The following PIK3CA variants were observed in gnomAD, a reference collection of about 807,000 sequenced individuals.
PIK3CA encodes phosphatidylinositol 4,5-bisphosphate 3-kinase catalytic subunit alpha isoform.
A neutral mutation model predicts 138.2 loss-of-function variants in PIK3CA; 27 were observed. That is an observed-to-expected ratio of 0.20 (90% CI 0.14 to 0.27). The LOEUF is 0.27. Among genes scored for constraint, PIK3CA ranks in the 10% least tolerant of loss-of-function variants. The pLI, the probability that PIK3CA is intolerant of heterozygous loss-of-function variation, is 1.00. For synonymous variants in PIK3CA, 358 were observed against 413.2 expected (o/e 0.87, Z 1.62); for missense variants, 544 against 1,277.4 (o/e 0.43, Z 8.75).
At chr3:179,223,950 AAGC>A in intron 14 of PIK3CA, 128 bp from the exon 15 acceptor site, 1 of 481,758 alleles carries the variant, frequency 2.1e-6, no homozygotes, top group Non-Finnish European at 3.8e-6. Flanking sequence ...CTTAATTAGA[AAGC>A]AGCAGTCTAG....
chr3:179,176,834 C>G (rs895825393), intron 1 of PIK3CA, among the ~76,000 whole-genome samples: 2 of 152,070 alleles, frequency 1.3e-5, no homozygotes, highest in African/African-American at 4.8e-5. Context: ...AATAAGTTCC[C>G]AGTAGTGGGG....
rs761582993 is a variant in PIK3CA, at chr3:179,230,186, C to T, written c.2785-39C>T. ...ATTTATTCAAGACATTTTGTATCTG[C>T]ATATATCAAACTATAACATAATTTC... On this transcript the variant is annotated intron_variant, in intron 19 of 20. Coordinates refer to ENST00000263967, the MANE Select transcript of PIK3CA (RefSeq NM_006218.4). This position sits in a 1 kb window ranked among gnomAD's most constrained non-coding sequence, Gnocchi z 5.4. 2.6e-6 allele frequency: 4 copies of T among 1,562,146 alleles called. No homozygotes were observed. The South Asian group carries it at 4.5e-5, about 17-fold the overall frequency.
At position 179,230,408 on chromosome 3, in the gene PIK3CA, A is replaced by G. The variant is rs3729693; in HGVS notation, c.2936+32A>G. The stretch of plus-strand genomic sequence containing the variant: ...TCGAGCAATTAAAAACACAAAATAA[A>G]GAGTTCTGGCTGCTCTATTAGAAAC... On this transcript the variant is annotated intron_variant, in intron 20 of 20. Coordinates refer to ENST00000263967, the MANE Select transcript of PIK3CA (RefSeq NM_006218.4). The surrounding 1 kb of genome is among the most constrained non-coding windows in gnomAD (Gnocchi z 5.4). The G allele has an allele frequency of 7.0e-3, 10,810 of 1,541,148 alleles. 678 individuals are homozygous for G. The African/African-American group carries it at 0.14, about 19-fold the overall frequency.
chr3:179,160,677 G>A lies in PIK3CA; in HGVS notation c.-77+12074G>A, dbSNP rs1346536434. 1.3e-4 allele frequency among the ~76,000 whole-genome samples: 20 copies of A among 152,242 alleles called. No individual in the cohort carries two copies. The East Asian group carries it at 3.5e-3, about 26-fold the overall frequency. On this transcript the variant is annotated intron_variant, in intron 1 of 20. Transcript: ENST00000263967. ...ATTCTATGTATATTTTATATATTGT[G>A]TATATAGTTCTATTGTTTTAGATTG...
chr3:179,239,663 G>T lies in PIK3CA; in HGVS notation c.*5299G>T, dbSNP rs1725400851. ...GAGCATAACATTTTAATACCTTGGG[G>T]AATGTGGCACTACCAAAAGAAGACT... On this transcript the variant is annotated 3_prime_UTR_variant, in exon 21 of 21. Transcript: ENST00000263967. 1 of 279,132 alleles carries T rather than the reference G, an allele frequency of 3.6e-6. No homozygotes were observed. Among genetic ancestry groups the T allele is most frequent in the East Asian group, 5.3e-5 (1 of 18,766 alleles). 17.3% of individuals were successfully genotyped at this position (279,132 alleles called of 1,614,324 possible).
Position 179,201,325 on chromosome 3 carries a change from C to G in PIK3CA, c.598C>G (p.Pro200Ala), listed in dbSNP as rs763090975. The G allele has an allele frequency of 6.2e-7, 1 of 1,612,778 alleles. No homozygotes were observed. The change falls in exon 4 of 21, where the codon CCA (proline) becomes GCA (alanine). Residue 200 changes from proline (P) to alanine (A), a missense_variant. Pro to Ala is a conservative substitution (Grantham distance 27). Coordinates refer to ENST00000263967, the MANE Select transcript of PIK3CA (RefSeq NM_006218.4). ...AGTGGTGATCTGGGTAATAGTTTCT[C>G]CAAATAATGACAAGCAGAAGTATAC... ...IIVVIWVIVS[P>A]NNDKQKYTLK...
chr3:179,158,596 C>T (rs745613371), intron 1 of PIK3CA, among the ~76,000 whole-genome samples: 2 of 152,028 alleles, frequency 1.3e-5, no homozygotes, highest in Non-Finnish European at 2.9e-5. Flanking sequence ...TTTCAAGCTG[C>T]TTGTATCTTG....
Position 179,236,176 on chromosome 3 carries a change from G to C in PIK3CA, c.*1812G>C, listed in dbSNP as rs1266148361. 4 of 204,084 alleles carry C rather than the reference G, an allele frequency of 2.0e-5. No homozygotes were observed. Among genetic ancestry groups the C allele is most frequent in the African/African-American group, 6.9e-5 (3 of 43,716 alleles). The allele number at this position is 204,084 out of a possible 1,614,324, so 12.6% of individuals were successfully genotyped here. On this transcript the variant is annotated 3_prime_UTR_variant, in exon 21 of 21. Coordinates refer to ENST00000263967, the MANE Select transcript of PIK3CA (RefSeq NM_006218.4). ...CTAATACCAATACTCTTAATATCTG[G>C]CTATTTTAGATCCCTTAAAGGGCAT...
At chr3:179,199,266 C>A in intron 2 of PIK3CA, 89 bp downstream of exon 2, 1 of 756,268 alleles carries the variant, frequency 1.3e-6, no homozygotes, top group Non-Finnish European at 2.1e-6. Flanking sequence ...AAACCAATAC[C>A]TTCGTAATCT....
At chr3:179,168,003 C>G (rs1450277781) in intron 1 of PIK3CA, among the ~76,000 whole-genome samples, 1 of 152,162 alleles carries the variant, frequency 6.6e-6, no homozygotes, top group Non-Finnish European at 1.5e-5. Flanking sequence ...ACTTTTTACT[C>G]TGGAATTCAG....
chr3:179,235,919 G>C lies in PIK3CA; in HGVS notation c.*1555G>C. 1 of 208,904 alleles carries C rather than the reference G, an allele frequency of 4.8e-6. No individual in the cohort carries two copies. Among genetic ancestry groups the C allele is most frequent in the Non-Finnish European group, 9.7e-6 (1 of 102,618 alleles). The allele number at this position is 208,904 out of a possible 1,614,324, so 12.9% of individuals were successfully genotyped here. A position where few individuals can be genotyped will look rare whatever the true frequency, so the allele number is the denominator to read the frequency against. On this transcript the variant is annotated 3_prime_UTR_variant, in exon 21 of 21. Coordinates refer to ENST00000263967, the MANE Select transcript of PIK3CA (RefSeq NM_006218.4). ...ATTCTAGAATCTGATATTTTACTCTGTATTTGAAATGAATGATTAATGTCC... is the reference window on the plus strand; with the variant it reads ...ATTCTAGAATCTGATATTTTACTCTCTATTTGAAATGAATGATTAATGTCC...
intron 1 of PIK3CA, among the ~76,000 whole-genome samples, chr3:179,196,656 T>C (rs2108383197): frequency 6.6e-6 from 1 of 152,342 alleles, no homozygotes; most frequent in South Asian, 2.1e-4. Flanking sequence ...TTCCTACTCT[T>C]CACATCCTTT....
intron 1 of PIK3CA, among the ~76,000 whole-genome samples, chr3:179,180,210 C>T (rs1723806901): frequency 6.6e-6 from 1 of 152,072 alleles, no homozygotes; most frequent in African/African-American, 2.4e-5. Context: ...AAATTGGATA[C>T]TTTGTGCTTT....
At chr3:179,192,718 AAC>A (rs1560134961) in intron 1 of PIK3CA, among the ~76,000 whole-genome samples, 1 of 152,198 alleles carries the variant, frequency 6.6e-6, no homozygotes, top group Non-Finnish European at 1.5e-5. Context: ...ACATTATGTA[AAC>A]ACAGTTTGTT....
intron 9 of PIK3CA, among the ~76,000 whole-genome samples, chr3:179,217,115 A>C (rs9812252): frequency 0.1 from 15,288 of 152,020 alleles, 1,194 homozygotes; most frequent in African/African-American, 0.21. Flanking sequence ...TTATTCCTTC[A>C]CACCAAACTA....
intron 1 of PIK3CA, among the ~76,000 whole-genome samples, chr3:179,173,521 G>A (rs1249957989): frequency 6.6e-6 from 1 of 151,376 alleles, no homozygotes; most frequent in Admixed American, 6.6e-5. Flanking sequence ...GGAGCTTGCA[G>A]TGAGCCTATA....
At chr3:179,198,669 T>G (rs1440700487) in intron 1 of PIK3CA, 81 bp from the exon 2 acceptor site, 1 of 456,436 alleles carries the variant, frequency 2.2e-6, no homozygotes. Flanking sequence ...GGAAAATGAG[T>G]TTTTACATTT....
intron 5 of PIK3CA, among the ~76,000 whole-genome samples, chr3:179,204,028 C>A (rs1215042514): frequency 4.6e-5 from 7 of 152,092 alleles, no homozygotes; most frequent in Non-Finnish European, 1.5e-5. Flanking sequence ...CTCTTAAAAT[C>A]AAAAGTTTTA....
At chr3:179,233,551 T>C (rs187165046) in intron 20 of PIK3CA, among the ~76,000 whole-genome samples, 2 of 152,304 alleles carry the variant, frequency 1.3e-5, no homozygotes, top group African/African-American at 4.8e-5. Flanking sequence ...AGGTTTTTAT[T>C]TACTGAGCTT....
Sources: gnomAD v4.1 joint callset for allele counts (sites outside exome capture counted in the v4.1 genomes callset) on GRCh38, gnomAD v4.1.1 for gene constraint, Gnocchi (gnomAD v3.1) non-coding constraint, MANE v1.5 for transcripts, NCBI Gene and HGNC (gene_info 2026-07-23, HGNC 2026-07-21) for gene names.